Variants in ZNF529 observed in about 807,000 individuals in gnomAD.
ZNF529 encodes the protein zinc finger protein 529.
A neutral mutation model predicts 10.1 loss-of-function variants in ZNF529; 11 were observed. The ratio of observed to expected loss-of-function variants is 1.09; its 90% CI spans 0.69 to 1.81. The LOEUF is 1.81. Ranked by LOEUF, ZNF529 falls within the 40% of genes most tolerant of loss-of-function variation. The probability of loss-of-function intolerance (pLI) is 0.00; values close to 1 mark genes in which losing one functional copy is unlikely to be tolerated. For missense variants in ZNF529, 624 were observed against 666.8 expected (o/e 0.94, Z 0.71); for synonymous variants, 204 against 215.7 (o/e 0.95, Z 0.47).
chr19:36,572,257 C>T, intron 2 of ZNF529, 76 bp downstream of exon 2: 1 of 1,484,006 alleles, frequency 6.7e-7, no homozygotes, highest in Non-Finnish European at 9.2e-7. Context: ...ACAAGGGGAC[C>T]CATCTCTACG....
At chr19:36,552,521 G>A (rs1320380508) in intron 4 of ZNF529, among the ~76,000 whole-genome samples, 2 of 152,090 alleles carry the variant, frequency 1.3e-5, no homozygotes, top group Non-Finnish European at 2.9e-5. Context: ...AGAATCACAG[G>A]GGCTAATCTC....
rs764187560 is a variant in ZNF529, at chr19:36,554,797, C to T, written c.109-1G>A. The stretch of plus-strand genomic sequence containing the variant: ...CCACATCCCTGAGTGTCACCAGTTC[C>T]TGAAACAACAAACCCGTACATTACA... On this transcript the variant is annotated splice_acceptor_variant, in intron 3 of 4. Transcript: ENST00000591340. LOFTEE classifies it high-confidence loss of function. 1 of 1,550,536 alleles carries T rather than the reference C, an allele frequency of 6.4e-7. No homozygotes were observed. The highest frequency in any genetic ancestry group is 2.4e-5 in the East Asian group (1 of 42,206).
intron 1 of ZNF529, among the ~76,000 whole-genome samples, chr19:36,602,669 C>T (rs1343684582): frequency 1.3e-5 from 2 of 152,106 alleles, no homozygotes; most frequent in African/African-American, 2.4e-5. Flanking sequence ...TGGCTCACGC[C>T]TGTAATCCCA....
chr19:36,572,241 T>C, intron 2 of ZNF529, 92 bp downstream of exon 2: 2 of 1,364,168 alleles, frequency 1.5e-6, no homozygotes, highest in South Asian at 1.3e-5. Context: ...GGAAAGGCAA[T>C]GGAGGACAAG....
chr19:36,547,049 T>A lies in ZNF529; in HGVS notation c.1509A>T (p.Glu503Asp), dbSNP rs769553021. ...LTEHQRIHTGEKPYECKACGK... is the reference protein window; with the variant it reads ...LTEHQRIHTGDKPYECKACGK... Reference sequence around the variant, plus strand: ...CACATGCCTTGCATTCATAGGGTTTTTCTCCAGTATGAATTCTCTGATGTT... The same window carrying A: ...CACATGCCTTGCATTCATAGGGTTTATCTCCAGTATGAATTCTCTGATGTT... Residue 503 changes from glutamate to aspartate, a missense_variant, in exon 5 of 5, where the codon GAA becomes GAT. Coordinates refer to ENST00000591340, the MANE Select transcript of ZNF529 (RefSeq NM_020951.5). 6.2e-7 allele frequency: 1 copy of A among 1,613,576 alleles called. No individual in the cohort carries two copies. Among genetic ancestry groups the A allele is most frequent in the Non-Finnish European group, 8.5e-7 (1 of 1,179,828 alleles).
At chr19:36,580,370 G>A (rs143116277) in intron 2 of ZNF529, 237 of 151,728 alleles carry the variant, frequency 1.6e-3, no homozygotes, top group African/African-American at 5.6e-3. Context: ...CACCTATTAC[G>A]TACTATACAT....
chr19:36,575,119 T>C (rs556801696), upstream of ZNF529, among the ~76,000 whole-genome samples: 18 of 152,316 alleles, frequency 1.2e-4, no homozygotes, highest in Admixed American at 3.3e-4. Context: ...GGAAACTGAA[T>C]GTGTCTGTGC....
intron 3 of ZNF529, 135 bp downstream of exon 3, chr19:36,555,969 T>C (rs1212872873): frequency 1.9e-5 from 15 of 786,932 alleles, no homozygotes; most frequent in Non-Finnish European, 2.9e-5. Context: ...GGAGGGACAC[T>C]GTGCTGTTAG....
At chr19:36,587,260 G>A (rs900607994) in intron 2 of ZNF529, 20 of 118,696 alleles carry the variant, frequency 1.7e-4, no homozygotes, top group African/African-American at 5.2e-4. Flanking sequence ...GCAAGACTCC[G>A]TCTCAGGAAA....
intron 4 of ZNF529, among the ~76,000 whole-genome samples, chr19:36,552,444 A>G (rs1292872930): frequency 3.3e-5 from 5 of 152,124 alleles, no homozygotes; most frequent in Non-Finnish European, 7.3e-5. Flanking sequence ...AATAAATAAA[A>G]TCAACAACAA....
In ZNF529 at chr19:36,547,737, C is replaced by G; in HGVS notation, c.821G>C (p.Arg274Thr). The change falls in exon 5 of 5, where the codon AGA (arginine) becomes ACA (threonine). Residue 274 changes from arginine (R) to threonine (T), a missense_variant. Coordinates refer to ENST00000591340, the MANE Select transcript of ZNF529 (RefSeq NM_020951.5). ...ERVGKVTPLQ[R>T]VHDGEKHFEC... Reference sequence around the variant, plus strand: ...AAAGTGTTTCTCACCATCATGAACTCTTTGAAGTGGAGTAACTTTTCCAAC... The same window carrying G: ...AAAGTGTTTCTCACCATCATGAACTGTTTGAAGTGGAGTAACTTTTCCAAC... 1 of 1,613,766 alleles carries G rather than the reference C, an allele frequency of 6.2e-7. No individual in the cohort carries two copies. Among genetic ancestry groups the G allele is most frequent in the Non-Finnish European group, 8.5e-7 (1 of 1,179,786 alleles).
In ZNF529 at chr19:36,561,912, T is replaced by C. The variant is rs374243464; in HGVS notation, c.15-5715A>G. On this transcript the variant is annotated intron_variant, in intron 2 of 4. Transcript: ENST00000591340. Reference sequence around the variant, plus strand: ...GGACCTACTTGAGACCAGTGACCCATACTTTCTTATTTATCTGTTTTGGAA... The same window carrying C: ...GGACCTACTTGAGACCAGTGACCCACACTTTCTTATTTATCTGTTTTGGAA... Among the ~76,000 whole-genome samples, 14 of 152,352 alleles carry C rather than the reference T, an allele frequency of 9.2e-5. No individual in the cohort carries two copies. In the East Asian group the frequency reaches 2.7e-3, roughly 29 times the overall value.
At chr19:36,561,344 G>A (rs2035686080) in intron 2 of ZNF529, among the ~76,000 whole-genome samples, 1 of 151,908 alleles carries the variant, frequency 6.6e-6, no homozygotes, top group Admixed American at 6.6e-5. Context: ...TGTGCAGAGT[G>A]CACAAGATGT....
chr19:36,589,475 G>C (rs978307545), intron 2 of ZNF529: 3 of 152,140 alleles, frequency 2.0e-5, no homozygotes, highest in Admixed American at 6.6e-5. Context: ...CTCTTACTGT[G>C]TTTGTTGTTT....
chr19:36,598,809 T>C (rs1052275751), intron 1 of ZNF529, among the ~76,000 whole-genome samples: 6 of 152,214 alleles, frequency 3.9e-5, no homozygotes, highest in Admixed American at 3.9e-4. Flanking sequence ...GTATTGATGA[T>C]GAAAAGACTA....
In ZNF529 at chr19:36,544,681, TA is replaced by T. The variant is rs377286934; in HGVS notation, c.*2184del. On this transcript the variant is annotated 3_prime_UTR_variant, in exon 5 of 5. Coordinates refer to ENST00000591340, the MANE Select transcript of ZNF529 (RefSeq NM_020951.5). ...AAATATCCTGACAAAAAGGTTAACA[TA>T]CTCTTGTTCTTACTGTGTAGGACAT... 11 of 152,336 alleles carry T rather than the reference TA, an allele frequency of 7.2e-5. No homozygotes were observed. Among genetic ancestry groups the T allele is most frequent in the African/African-American group, 2.6e-4 (11 of 41,586 alleles). 9.4% of individuals were successfully genotyped at this position (152,336 alleles called of 1,614,324 possible). A position where few individuals can be genotyped will look rare whatever the true frequency, so the allele number is the denominator to read the frequency against.
chr19:36,562,563 C>T (rs967272916), intron 2 of ZNF529, among the ~76,000 whole-genome samples: 4 of 151,126 alleles, frequency 2.6e-5, no homozygotes, highest in East Asian at 2.0e-4. Flanking sequence ...TGGCCGGGCG[C>T]GGTGGCTCAT....
chr19:36,556,294 A>G (rs1306708759), intron 2 of ZNF529, 97 bp from the exon 3 acceptor site: 2 of 678,578 alleles, frequency 2.9e-6, no homozygotes, highest in Non-Finnish European at 5.4e-6. Flanking sequence ...GTTTAAGAGA[A>G]TCTCAAAAAA....
intron 1 of ZNF529, among the ~76,000 whole-genome samples, chr19:36,598,696 C>A (rs188797847): frequency 2.0e-5 from 3 of 152,060 alleles, no homozygotes; most frequent in African/African-American, 7.2e-5. Flanking sequence ...GCACCTTGTA[C>A]CTCACAGAGT....
Sources: gnomAD v4.1 joint callset for allele counts (sites outside exome capture counted in the v4.1 genomes callset) on GRCh38, gnomAD v4.1.1 for gene constraint, MANE v1.5 for transcripts, NCBI Gene and HGNC (gene_info 2026-07-23, HGNC 2026-07-21) for gene names.